CDH26: variants seen among roughly 807,000 people sequenced by gnomAD.
The protein encoded by CDH26 is cadherin 26.
Under a neutral mutation model 90.3 loss-of-function variants are expected in CDH26, and 83 were observed. The observed-to-expected ratio is 0.92, with a 90% CI of 0.77 to 1.10. The LOEUF is 1.10. Among genes scored for constraint, CDH26 ranks in the 50% least tolerant of loss-of-function variants. The pLI is 0.00. For synonymous variants in CDH26, 397 were observed against 396.3 expected, an observed-to-expected ratio of 1.00 and a Z score of -0.02; for missense variants, 1,013 against 1,037.6, an observed-to-expected ratio of 0.98 and a Z score of 0.33.
intron 13 of CDH26, 99 bp downstream of exon 13, chr20:59,996,860 T>G (rs1347505811): frequency 9.4e-6 from 14 of 1,485,016 alleles, no homozygotes; most frequent in African/African-American, 1.4e-5. Context: ...CTCTTAATTC[T>G]TCACTCTTAC....
chr20:59,985,911 G>GT (rs1277368702), intron 7 of CDH26: 1 of 152,258 alleles, frequency 6.6e-6, no homozygotes, highest in African/African-American at 2.4e-5. Context: ...GGGAATTCCT[G>GT]TTTACTTGGA....
At position 59,992,891 on chromosome 20, in the gene CDH26, TGGGACTGTAA is replaced by T. The variant is rs1320482476; in HGVS notation, c.1426+377_1426+386del. On this transcript the variant is annotated intron_variant, in intron 10 of 17. Coordinates refer to ENST00000348616, the MANE Select transcript of CDH26 (RefSeq NM_177980.4). The surrounding 1 kb of genome is among the most constrained non-coding windows in gnomAD (Gnocchi z 5.0). Reference sequence around the variant, plus strand: ...GGGATGGCATACGAGCTCAGATAAATGGGACTGTAAGGGACACATTTGTCATAAACCAGAA... The same window carrying T: ...GGGATGGCATACGAGCTCAGATAAATGGGACACATTTGTCATAAACCAGAA... Among the ~76,000 whole-genome samples, 1 of 151,922 alleles carries T rather than the reference TGGGACTGTAA, an allele frequency of 6.6e-6. No homozygotes were observed. The highest frequency in any genetic ancestry group is 1.5e-5 in the Non-Finnish European group (1 of 67,998).
chr20:59,959,827 C>T (rs979303384), intron 1 of CDH26, among the ~76,000 whole-genome samples: 3 of 152,232 alleles, frequency 2.0e-5, no homozygotes, highest in African/African-American at 7.2e-5. Flanking sequence ...CCAACTGCCA[C>T]TGTTTAAATG....
chr20:59,991,628 C>G (rs1379957481), intron 9 of CDH26, among the ~76,000 whole-genome samples: 1 of 152,178 alleles, frequency 6.6e-6, no homozygotes, highest in Non-Finnish European at 1.5e-5. Flanking sequence ...AGAGAGGGAT[C>G]CTTGCTGACC....
At chr20:59,969,926 C>T in intron 2 of CDH26, 156 bp from the exon 3 acceptor site, 2 of 596,104 alleles carry the variant, frequency 3.4e-6, no homozygotes, top group Non-Finnish European at 4.2e-6. Context: ...AGAAGACAGG[C>T]ACTTGGGTTT....
At chr20:59,972,265 T>A in intron 4 of CDH26, 142 bp downstream of exon 4, 1 of 721,132 alleles carries the variant, frequency 1.4e-6, no homozygotes, top group Non-Finnish European at 2.3e-6. Context: ...TTTACGAGTA[T>A]GCCTGAGACT....
intron 17 of CDH26, among the ~76,000 whole-genome samples, chr20:60,007,559 G>A (rs1215482365): frequency 6.6e-6 from 1 of 152,188 alleles, no homozygotes; most frequent in Non-Finnish European, 1.5e-5. Context: ...TAAGCAGCAG[G>A]TTGATGCAAA....
chr20:59,985,213 G>A, intron 7 of CDH26, 84 bp downstream of exon 7: 1 of 1,508,168 alleles, frequency 6.6e-7, no homozygotes, highest in Non-Finnish European at 9.1e-7. Context: ...CAGAGAGGGT[G>A]TTAGGCTGTT....
chr20:59,974,304 G>A (rs2061300769), intron 4 of CDH26, among the ~76,000 whole-genome samples: 1 of 152,094 alleles, frequency 6.6e-6, no homozygotes, highest in Non-Finnish European at 1.5e-5. Context: ...AGATGCAAAA[G>A]AAACTATCAA....
In CDH26 at chr20:59,958,698, C is replaced by T. The variant is rs368910958; in HGVS notation, c.-29C>T. On this transcript the variant is annotated 5_prime_UTR_variant, in exon 1 of 18. In the 5' UTR this introduces an upstream ATG that the reference lacks. Coordinates refer to ENST00000348616, the MANE Select transcript of CDH26 (RefSeq NM_177980.4). ...CTTGGAGGACTGGTCATCAGCTGCA[C>T]GTTCTGGGTCTGTCTTGGGTATTCC... 3.0e-5 allele frequency: 48 copies of T among 1,611,356 alleles called. 1 individual carries two copies. The Middle Eastern group carries it at 4.9e-4, about 17-fold the overall frequency.
rs2061646659 is a variant in CDH26 at position 59,999,498 on chromosome 20, G to A, written c.2020-88G>A. 7 of 1,137,964 alleles carry A rather than the reference G, an allele frequency of 6.2e-6. No homozygotes were observed. The South Asian group carries it at 6.5e-5, about 11-fold the overall frequency. The allele number at this position is 1,137,964 out of a possible 1,614,324, so 70.5% of individuals were successfully genotyped here. ...TGATGGCATAGATACAATGTGTTTT[G>A]GAGAAAATGTCATTCCTTTCCTTCT... On this transcript the variant is annotated intron_variant, in intron 13 of 17. Coordinates refer to ENST00000348616, the MANE Select transcript of CDH26 (RefSeq NM_177980.4).
chr20:60,023,138 A>G (rs2061971047), intron 7 of CDH26, among the ~76,000 whole-genome samples: 1 of 152,226 alleles, frequency 6.6e-6, no homozygotes, highest in African/African-American at 2.4e-5. Flanking sequence ...CATTCTGGTC[A>G]CTGCCGTCAG....
chr20:59,981,348 G>A lies in CDH26; in HGVS notation c.394-1575G>A, dbSNP rs192025120. Among the ~76,000 whole-genome samples, 7 of 152,248 alleles carry A rather than the reference G, an allele frequency of 4.6e-5. No individual in the cohort carries two copies. The East Asian group carries it at 1.3e-3, about 29-fold the overall frequency. On this transcript the variant is annotated intron_variant, in intron 4 of 17. Transcript: ENST00000348616. Reference sequence around the variant, plus strand: ...AGAACTGTCATCTTGGCAATACTGAGTCTTTCAGTCTGTAAACACAGTATA... The same window carrying A: ...AGAACTGTCATCTTGGCAATACTGAATCTTTCAGTCTGTAAACACAGTATA...
intron 4 of CDH26, among the ~76,000 whole-genome samples, chr20:59,982,076 C>T (rs1304454182): frequency 4.6e-5 from 7 of 152,074 alleles, no homozygotes; most frequent in Admixed American, 1.3e-4. Flanking sequence ...AGTCCTTATT[C>T]TTCTTCTAAT....
chr20:59,969,329 T>C (rs1053688459), intron 2 of CDH26, among the ~76,000 whole-genome samples: 3 of 152,198 alleles, frequency 2.0e-5, no homozygotes, highest in African/African-American at 7.2e-5. Context: ...CTTCATATTT[T>C]CCATTGCAGC....
chr20:59,970,314 A>G, intron 3 of CDH26, 128 bp downstream of exon 3: 1 of 1,294,384 alleles, frequency 7.7e-7, no homozygotes, highest in Non-Finnish European at 1.0e-6. Flanking sequence ...GAGCAGAAGG[A>G]GCACTGGCCT....
At chr20:60,033,411 G>A in intron 8 of CDH26, 1 of 1,258,172 alleles carries the variant, frequency 7.9e-7, no homozygotes, top group Non-Finnish European at 1.0e-6. Flanking sequence ...CAAATGCTTA[G>A]TGAATGCTAA....
At position 59,978,444 on chromosome 20, in the gene CDH26, C is replaced by T. The variant is rs6128732; in HGVS notation, c.394-4479C>T. On this transcript the variant is annotated intron_variant, in intron 4 of 17. Transcript: ENST00000348616. The stretch of plus-strand genomic sequence containing the variant: ...AGGCTGGAGTGCAATGGGGTGATCT[C>T]GGCTCACTGCAACCTCTGCCTCCTG... Among the ~76,000 whole-genome samples the T allele has an allele frequency of 5.4e-4, 82 of 151,068 alleles. No homozygotes were observed. The East Asian group carries it at 0.012, about 22-fold the overall frequency.
chr20:59,989,310 T>C (rs902236427), intron 9 of CDH26, 147 bp downstream of exon 9: 7 of 986,610 alleles, frequency 7.1e-6, no homozygotes, highest in Admixed American at 4.6e-5. Flanking sequence ...GGGTGGATCA[T>C]GAGGTCAAGA....
Sources: allele counts gnomAD v4.1 joint callset (sites outside exome capture counted in the v4.1 genomes callset), GRCh38; gene constraint gnomAD v4.1.1; non-coding constraint Gnocchi (gnomAD v3.1); transcripts MANE v1.5; gene names NCBI Gene and HGNC (gene_info 2026-07-23, HGNC 2026-07-21).